ARNT: variants seen among roughly 807,000 people sequenced by gnomAD.
ARNT encodes aryl hydrocarbon receptor nuclear translocator.
Under a neutral mutation model 105.0 loss-of-function variants are expected in ARNT, and 30 were observed. The ratio of observed to expected loss-of-function variants is 0.29; its 90% CI spans 0.21 to 0.39. The LOEUF is 0.39. Among genes scored for constraint, ARNT ranks in the 10% least tolerant of loss-of-function variants. The pLI is 1.00. For synonymous variants in ARNT, 304 were observed against 344.0 expected (o/e 0.88, Z 1.29); for missense variants, 748 against 978.7 (o/e 0.76, Z 3.15).
chr1:150,813,178 G>T lies in ARNT; in HGVS notation c.2274C>A (p.Val758=). The T allele has an allele frequency of 6.2e-7, 1 of 1,612,622 alleles. No homozygotes were observed. The highest frequency in any genetic ancestry group is 2.2e-5 in the East Asian group (1 of 44,846). Reference sequence around the variant, plus strand: ...AGTCTTTTCACTCTCTTACCTGGAAGACCTCAGGCTGGCCAGGTTGCTGTG... The same window carrying T: ...AGTCTTTTCACTCTCTTACCTGGAATACCTCAGGCTGGCCAGGTTGCTGTG... The part of the protein sequence containing the change: ...PPAQQPGQPE[V]FQEMLSMLGD... Residue 758 remains valine (V), a synonymous_variant, in exon 21 of 22, where the codon GTC becomes GTA. Transcript: ENST00000358595.
intron 4 of ARNT, among the ~76,000 whole-genome samples, chr1:150,844,505 C>T (rs587723887): frequency 5.9e-5 from 9 of 152,142 alleles, no homozygotes; most frequent in African/African-American, 1.7e-4. Flanking sequence ...TCTACATCAA[C>T]GGTTCTTAAA....
At chr1:150,833,617 T>C (rs1269257710) in intron 8 of ARNT, among the ~76,000 whole-genome samples, 1 of 152,364 alleles carries the variant, frequency 6.6e-6, no homozygotes, top group South Asian at 2.1e-4. Flanking sequence ...CAGTACAATG[T>C]AGTCAATTTC....
At chr1:150,872,273 C>T (rs965919633) in intron 1 of ARNT, among the ~76,000 whole-genome samples, 2 of 152,112 alleles carry the variant, frequency 1.3e-5, no homozygotes, top group Non-Finnish European at 2.9e-5. Flanking sequence ...ATCTTGACAT[C>T]TTAACTTTAC....
At chr1:150,815,123 A>G (rs983776308) in intron 19 of ARNT, among the ~76,000 whole-genome samples, 9 of 152,158 alleles carry the variant, frequency 5.9e-5, no homozygotes, top group Admixed American at 1.3e-4. Context: ...TGCATATAAC[A>G]TTCTGGAACC....
intron 8 of ARNT, among the ~76,000 whole-genome samples, chr1:150,834,185 C>T (rs767451020): frequency 1.3e-5 from 2 of 152,122 alleles, no homozygotes; most frequent in Non-Finnish European, 2.9e-5. Flanking sequence ...AGGTGATCCA[C>T]TCGCCTCAGC....
chr1:150,830,014 G>T, intron 10 of ARNT, 34 bp from the exon 11 acceptor site: 1 of 1,606,550 alleles, frequency 6.2e-7, no homozygotes, highest in South Asian at 1.1e-5. Flanking sequence ...GTTTAACGGG[G>T]ACCTCCAACT....
rs587773756 is a variant in ARNT, at chr1:150,845,915, T to A, written c.227+348A>T. On this transcript the variant is annotated intron_variant, in intron 4 of 21. Transcript: ENST00000358595. ...AGACTCTGTCTCAAAATAAATAAATTAATTACAGAACCATTATCTGTATTC... is the reference window on the plus strand; with the variant it reads ...AGACTCTGTCTCAAAATAAATAAATAAATTACAGAACCATTATCTGTATTC... 2.6e-4 allele frequency among the ~76,000 whole-genome samples: 40 copies of A among 152,146 alleles called. 1 individual carries two copies. The highest frequency in any genetic ancestry group is 2.4e-3 in the Admixed American group (36 of 15,250).
intron 5 of ARNT, among the ~76,000 whole-genome samples, chr1:150,841,140 C>T (rs1326372268): frequency 1.3e-5 from 2 of 149,554 alleles, no homozygotes; most frequent in East Asian, 2.0e-4. Context: ...TTAGTAGAGA[C>T]GCGGTTTCAC....
chr1:150,813,194 G>T lies in ARNT; in HGVS notation c.2258C>A (p.Pro753His). 2 of 1,613,436 alleles carry T rather than the reference G, an allele frequency of 1.2e-6. No individual in the cohort carries two copies. The highest frequency in any genetic ancestry group is 2.2e-5 in the South Asian group (2 of 90,850). Reference sequence around the variant, plus strand: ...TACCTGGAAGACCTCAGGCTGGCCAGGTTGCTGTGCTGGCGGTTGTTGAAC... The same window carrying T: ...TACCTGGAAGACCTCAGGCTGGCCATGTTGCTGTGCTGGCGGTTGTTGAAC... Reference protein sequence around the residue: ...QHVQQPPAQQPGQPEVFQEML... With the variant: ...QHVQQPPAQQHGQPEVFQEML... The change falls in exon 21 of 22, where the codon CCT becomes CAT. Residue 753 changes from proline to histidine, a missense_variant. By Grantham distance (77) the Pro-to-His change is moderately conservative. This residue lies in a region of ARNT where 360 missense variants were observed against 411.9 expected (regional missense o/e 0.87). Transcript: ENST00000358595.
intron 4 of ARNT, among the ~76,000 whole-genome samples, chr1:150,845,534 G>A (rs1662035464): frequency 6.6e-6 from 1 of 151,998 alleles, no homozygotes. Flanking sequence ...CTTGAACCCA[G>A]GAGGCAGAGG....
intron 13 of ARNT, among the ~76,000 whole-genome samples, chr1:150,824,576 C>G (rs896473240): frequency 7.9e-5 from 12 of 151,382 alleles, no homozygotes; most frequent in African/African-American, 2.9e-4. Flanking sequence ...GCCTCAGCCT[C>G]CTGAGTAGCT....
chr1:150,821,318 A>G (rs951556702), intron 14 of ARNT, among the ~76,000 whole-genome samples: 1 of 152,216 alleles, frequency 6.6e-6, no homozygotes, highest in African/African-American at 2.4e-5. Flanking sequence ...GGCACTTCAT[A>G]CTGTTCCCAA....
rs1030853945 is a variant in ARNT, at chr1:150,816,874, G to A, written c.1716C>T (p.Ile572=). 15 of 1,604,282 alleles carry A rather than the reference G, an allele frequency of 9.3e-6. No homozygotes were observed. Among genetic ancestry groups the A allele is most frequent in the Non-Finnish European group, 1.2e-5 (14 of 1,177,780 alleles). Residue 572 remains isoleucine (I), a synonymous_variant, in exon 18 of 22, where the codon ATC becomes ATT. Coordinates refer to ENST00000358595, the MANE Select transcript of ARNT (RefSeq NM_001668.4). ...GGGTGGCAGGGACAGTGCTGGAGGAGATGCCTTTACTCTGATCTGTGGACC... is the reference window on the plus strand; with the variant it reads ...GGGTGGCAGGGACAGTGCTGGAGGAAATGCCTTTACTCTGATCTGTGGACC... The part of the protein sequence containing the change: ...HNINADQSKG[I]SSSTVPATQQ...
chr1:150,816,499 C>T, intron 18 of ARNT, 93 bp from the exon 19 acceptor site: 1 of 1,398,792 alleles, frequency 7.1e-7, no homozygotes, highest in African/African-American at 1.5e-5. Context: ...CCCTAGATCC[C>T]CTTGACTTCC....
intron 1 of ARNT, among the ~76,000 whole-genome samples, chr1:150,862,645 G>A (rs1393534604): frequency 2.1e-5 from 3 of 143,646 alleles, no homozygotes; most frequent in African/African-American, 5.2e-5. Context: ...GGAGGTCAAG[G>A]CATGAGGATT....
At position 150,831,820 on chromosome 1, in the gene ARNT, G is replaced by A; in HGVS notation, c.953C>T (p.Ala318Val). 3 of 1,604,892 alleles carry A rather than the reference G, an allele frequency of 1.9e-6. No individual in the cohort carries two copies. Among genetic ancestry groups the A allele is most frequent in the African/African-American group, 1.3e-5 (1 of 74,160 alleles). ...TATTTACTATTTCACTTTCTTACCT[G>A]CTGGGGGCCAGGCCTTGATGTAGCC... ...CTGYIKAWPP[A>V]GVSLPDDDPE... The change falls in exon 10 of 22, where the codon GCA becomes GTA. Residue 318 changes from alanine (A) to valine (V), a missense_variant and splice_region_variant. Physicochemically the swap from Ala to Val is moderately conservative, Grantham distance 64. Around this residue, in one of 4 missense-constraint regions of ARNT, gnomAD observed 291 missense variants for 444.6 expected, o/e 0.65. Coordinates refer to ENST00000358595, the MANE Select transcript of ARNT (RefSeq NM_001668.4).
At chr1:150,842,525 G>T (rs3738482) in intron 4 of ARNT, 57 bp from the exon 5 acceptor site, 12 of 1,512,692 alleles carry the variant, frequency 7.9e-6, no homozygotes, top group Non-Finnish European at 1.1e-5. Flanking sequence ...AGGAAGGAAG[G>T]GGGGAGGGAG....
At chr1:150,831,711 A>G in intron 10 of ARNT, 107 bp downstream of exon 10, 1 of 716,320 alleles carries the variant, frequency 1.4e-6, no homozygotes, top group South Asian at 1.8e-5. Flanking sequence ...TTCATCTTAC[A>G]CAAAAGTACA....
intron 7 of ARNT, among the ~76,000 whole-genome samples, chr1:150,835,138 C>CAAAAA (rs11459475): frequency 7.4e-6 from 1 of 134,236 alleles, no homozygotes; most frequent in African/African-American, 2.8e-5. Context: ...GACCTTGTCT[C>CAAAAA]AAAAAAAAAA....
Sources: gnomAD v4.1 joint callset for allele counts (sites outside exome capture counted in the v4.1 genomes callset) on GRCh38, gnomAD v4.1.1 for gene constraint, gnomAD v4.1.1 regional missense constraint, MANE v1.5 for transcripts, NCBI Gene and HGNC (gene_info 2026-07-23, HGNC 2026-07-21) for gene names.